TMEM120B: variants seen among roughly 807,000 people sequenced by gnomAD.
TMEM120B encodes the protein transmembrane protein 120B.
Under a neutral mutation model 55.5 loss-of-function variants are expected in TMEM120B, and 31 were observed. That is an observed-to-expected ratio of 0.56 (90% confidence interval 0.42 to 0.75). The LOEUF is 0.75. Ranked by LOEUF, TMEM120B falls within the 30% of genes least tolerant of loss-of-function variation. The pLI is 0.00. For synonymous variants in TMEM120B, 203 were observed against 176.3 expected, an observed-to-expected ratio of 1.15 and a Z score of -1.20; for missense variants, 399 against 425.5, an observed-to-expected ratio of 0.94 and a Z score of 0.55.
chr12:121,732,573 T>C (rs1344641125), intron 1 of TMEM120B, among the ~76,000 whole-genome samples: 2 of 152,234 alleles, frequency 1.3e-5, no homozygotes, highest in Admixed American at 1.3e-4. Flanking sequence ...CTGAAAAAAA[T>C]TAAATGTTTA....
rs764228738 is a variant in TMEM120B at position 121,775,570 on chromosome 12, A to C, written c.907-39A>C. On this transcript the variant is annotated intron_variant, in intron 11 of 11. Coordinates refer to ENST00000449592, the MANE Select transcript of TMEM120B (RefSeq NM_001080825.2). This position sits in a 1 kb window ranked among gnomAD's most constrained non-coding sequence, Gnocchi z 4.3. ...GCTGGGGGCAGGGGTTCAGCAGGGC[A>C]GATGCCCCAGCCTCGCCCTCCTCTC... 1.9e-6 allele frequency: 3 copies of C among 1,591,762 alleles called. No homozygotes were observed. Among genetic ancestry groups the C allele is most frequent in the Non-Finnish European group, 2.6e-6 (3 of 1,166,958 alleles).
intron 2 of TMEM120B, 30 bp from the exon 3 acceptor site, chr12:121,748,296 C>T: frequency 6.3e-7 from 1 of 1,575,322 alleles, no homozygotes; most frequent in East Asian, 2.3e-5. Context: ...AGTGACGCCC[C>T]TTCCCCTGTG....
chr12:121,712,992 C>T, intron 1 of TMEM120B, 28 bp downstream of exon 1: 3 of 1,510,224 alleles, frequency 2.0e-6, no homozygotes, highest in Non-Finnish European at 2.7e-6. Context: ...GGTCCCGCAA[C>T]TCTGCTGCCC....
Position 121,775,473 on chromosome 12 carries a change from G to A in TMEM120B, c.907-136G>A, listed in dbSNP as rs1235322130. 1.7e-5 allele frequency: 25 copies of A among 1,446,496 alleles called. No homozygotes were observed. The highest frequency in any genetic ancestry group is 2.1e-5 in the Non-Finnish European group (23 of 1,105,712). 89.6% of individuals were successfully genotyped at this position (1,446,496 alleles called of 1,614,324 possible). ...GCCTCACCCTTCCCCCAGGTCTCCT[G>A]AATCTCTGCCTTCGATGGCAAAACC... On this transcript the variant is annotated intron_variant, in intron 11 of 11. Transcript: ENST00000449592. The surrounding 1 kb of genome is among the most constrained non-coding windows in gnomAD (Gnocchi z 4.3).
chr12:121,738,559 T>C (rs1237329057), intron 1 of TMEM120B, among the ~76,000 whole-genome samples: 1 of 152,168 alleles, frequency 6.6e-6, no homozygotes, highest in East Asian at 1.9e-4. Flanking sequence ...TCTGGGTTCA[T>C]TACCAGCAGG....
intron 1 of TMEM120B, among the ~76,000 whole-genome samples, chr12:121,716,160 T>C (rs1006367044): frequency 2.7e-5 from 4 of 150,622 alleles, no homozygotes; most frequent in Non-Finnish European, 4.4e-5. Flanking sequence ...AAAAAAAAAA[T>C]TGCTGGGTGT....
intron 1 of TMEM120B, among the ~76,000 whole-genome samples, chr12:121,724,030 CTTTTTTTTTTTTTT>C (rs56972824): frequency 3.9e-5 from 3 of 76,006 alleles, no homozygotes; most frequent in African/African-American, 1.1e-4. Context: ...TCAAGTGATC[CTTTTTTTTTTTTTT>C]TTTTTTTTTT....
Position 121,775,158 on chromosome 12 carries a change from G to T in TMEM120B, c.906+28G>T. The stretch of plus-strand genomic sequence containing the variant: ...ATGGGGGGTGGGGGCATGCTCGGGG[G>T]AGGTTCCCGGGAGGGCTGGGGTGGC... On this transcript the variant is annotated intron_variant, in intron 11 of 11. Transcript: ENST00000449592. This position sits in a 1 kb window ranked among gnomAD's most constrained non-coding sequence, Gnocchi z 4.3. 1 of 1,292,128 alleles carries T rather than the reference G, an allele frequency of 7.7e-7. No individual in the cohort carries two copies. 80.0% of individuals were successfully genotyped at this position (1,292,128 alleles called of 1,614,324 possible). A position where few individuals can be genotyped will look rare whatever the true frequency, so the allele number is the denominator to read the frequency against.
rs1052204 is a variant in TMEM120B, at chr12:121,777,950, C to T, written c.*2228C>T. The T allele has an allele frequency of 0.076, 11,565 of 152,200 alleles. 792 individuals carry two copies. Among genetic ancestry groups the T allele is most frequent in the East Asian group, 0.21 (1,076 of 5,164 alleles). The allele number at this position is 152,200 out of a possible 1,614,324, so 9.4% of individuals were successfully genotyped here. A position where few individuals can be genotyped will look rare whatever the true frequency, so the allele number is the denominator to read the frequency against. The stretch of plus-strand genomic sequence containing the variant: ...GGGTTGGGGAGGGTCTCAGAAGGCT[C>T]CTTCCTTTGGCAACCTGACTTCTTG... On this transcript the variant is annotated 3_prime_UTR_variant, in exon 12 of 12. Coordinates refer to ENST00000449592, the MANE Select transcript of TMEM120B (RefSeq NM_001080825.2).
At chr12:121,755,207 C>G (rs1050471054) in intron 5 of TMEM120B, among the ~76,000 whole-genome samples, 1 of 152,206 alleles carries the variant, frequency 6.6e-6, no homozygotes, top group African/African-American at 2.4e-5. Context: ...ACCCGGAGGC[C>G]CTTCTTGGTA....
rs550032282 is a variant in TMEM120B at position 121,744,322 on chromosome 12, G to C, written c.188+575G>C. On this transcript the variant is annotated intron_variant, in intron 2 of 11. Transcript: ENST00000449592. ...CCATTTGTGAACCAATCACTGAGAA[G>C]CTGCTTGGGCAGCGCCATGCCGTGT... Among the ~76,000 whole-genome samples the C allele has an allele frequency of 2.0e-5, 3 of 152,378 alleles. No homozygotes were observed. The East Asian group carries it at 5.8e-4, about 29-fold the overall frequency.
At position 121,746,541 on chromosome 12, in the gene TMEM120B, C is replaced by T. The variant is rs546575069; in HGVS notation, c.189-1785C>T. On this transcript the variant is annotated intron_variant, in intron 2 of 11. Transcript: ENST00000449592. Reference sequence around the variant, plus strand: ...AGAGACGGGGTCTTGCTATGTTAGTCAGGCTGGTCTCAAACTCATGGCCTC... The same window carrying T: ...AGAGACGGGGTCTTGCTATGTTAGTTAGGCTGGTCTCAAACTCATGGCCTC... 2.6e-5 allele frequency among the ~76,000 whole-genome samples: 4 copies of T among 152,164 alleles called. No homozygotes were observed. In the South Asian group the frequency reaches 8.3e-4, roughly 32 times the overall value.
intron 6 of TMEM120B, among the ~76,000 whole-genome samples, chr12:121,765,107 TTTTCTTTTC>T (rs901213214): frequency 9.3e-5 from 14 of 151,090 alleles, no homozygotes; most frequent in East Asian, 3.9e-4. Context: ...ACAGAGGTTT[TTTTCTTTTC>T]TTTCTTTTCT....
At chr12:121,724,784 G>A (rs1367220144) in intron 1 of TMEM120B, among the ~76,000 whole-genome samples, 2 of 151,656 alleles carry the variant, frequency 1.3e-5, no homozygotes, top group Non-Finnish European at 2.9e-5. Flanking sequence ...CTAAGTTTTT[G>A]TATTTTTAGT....
intron 1 of TMEM120B, among the ~76,000 whole-genome samples, chr12:121,727,366 T>A (rs1312854487): frequency 6.6e-6 from 1 of 150,750 alleles, no homozygotes; most frequent in African/African-American, 2.4e-5. Flanking sequence ...TGAGACCCCG[T>A]CTCTGCAAAA....
Position 121,779,918 on chromosome 12 carries a change from C to T in TMEM120B, c.*4196C>T, listed in dbSNP as rs1346220542. On this transcript the variant is annotated 3_prime_UTR_variant, in exon 12 of 12. Transcript: ENST00000449592. ...CTCTCCAGCTCCGGGCAGGGAGGGGCTGAATCCTGAGACCCGGGGTTGGTT... is the reference window on the plus strand; with the variant it reads ...CTCTCCAGCTCCGGGCAGGGAGGGGTTGAATCCTGAGACCCGGGGTTGGTT... The T allele has an allele frequency of 1.1e-5, 5 of 466,472 alleles. No individual in the cohort carries two copies. Among genetic ancestry groups the T allele is most frequent in the Non-Finnish European group, 1.5e-5 (4 of 258,296 alleles). 28.9% of individuals were successfully genotyped at this position (466,472 alleles called of 1,614,324 possible).
chr12:121,712,986 C>G, intron 1 of TMEM120B, 22 bp downstream of exon 1: 1 of 1,522,376 alleles, frequency 6.6e-7, no homozygotes, highest in Non-Finnish European at 8.8e-7. Context: ...CCACCTGGTC[C>G]CGCAACTCTG....
intron 1 of TMEM120B, among the ~76,000 whole-genome samples, chr12:121,721,977 T>G (rs1327198475): frequency 1.4e-5 from 2 of 148,122 alleles, no homozygotes; most frequent in African/African-American, 5.0e-5. Flanking sequence ...CCCAGCTAAT[T>G]TTTGTATTTT....
chr12:121,773,299 C>G, intron 8 of TMEM120B, 122 bp from the exon 9 acceptor site: 1 of 814,550 alleles, frequency 1.2e-6, no homozygotes, highest in Non-Finnish European at 2.0e-6. Context: ...GGGTTGTAAC[C>G]AGGGCACCCT....
Sources: allele counts gnomAD v4.1 joint callset (sites outside exome capture counted in the v4.1 genomes callset), GRCh38; gene constraint gnomAD v4.1.1; non-coding constraint Gnocchi (gnomAD v3.1); transcripts MANE v1.5; gene names NCBI Gene and HGNC (gene_info 2026-07-23, HGNC 2026-07-21).